TMC7: variants seen among roughly 807,000 people sequenced by gnomAD.
TMC7 encodes transmembrane channel like 7.
A neutral mutation model predicts 82.9 loss-of-function variants in TMC7; 54 were observed. The ratio of observed to expected loss-of-function variants is 0.65; its 90% CI spans 0.52 to 0.82. The LOEUF (loss-of-function observed/expected upper bound fraction) is 0.82. TMC7 is among the 40% of genes least tolerant of loss of function. TMC7 has a pLI of 0.00. For synonymous variants in TMC7, 350 were observed against 337.9 expected, an observed-to-expected ratio of 1.04 and a Z score of -0.39; for missense variants, 820 against 901.2, an observed-to-expected ratio of 0.91 and a Z score of 1.15.
chr16:18,985,351 GA>G lies in TMC7; in HGVS notation c.67+1231del, dbSNP rs542610714. Among the ~76,000 whole-genome samples, 13 of 149,652 alleles carry G rather than the reference GA, an allele frequency of 8.7e-5. No homozygotes were observed. In the East Asian group the frequency reaches 1.9e-3, roughly 22 times the overall value. ...ATTGGATTGTTCCCAATGTCCAGAA[GA>G]AAAAAAAAATTTAGAAGAGACCCAA... On this transcript the variant is annotated intron_variant, in intron 1 of 15. Coordinates refer to ENST00000304381, the MANE Select transcript of TMC7 (RefSeq NM_024847.4).
chr16:18,988,775 C>A (rs1471488972), intron 1 of TMC7, among the ~76,000 whole-genome samples: 1 of 152,136 alleles, frequency 6.6e-6, no homozygotes, highest in Non-Finnish European at 1.5e-5. Flanking sequence ...GTTGGCCGGG[C>A]ACAGTGCCTC....
intron 1 of TMC7, among the ~76,000 whole-genome samples, chr16:18,998,550 C>T (rs562745379): frequency 2.6e-5 from 4 of 152,014 alleles, no homozygotes; most frequent in South Asian, 2.1e-4. Flanking sequence ...GTCAGGAGAT[C>T]GAGACCATCC....
intron 1 of TMC7, 23 bp from the exon 2 acceptor site, chr16:19,009,149 T>C (rs201650100): frequency 6.2e-7 from 1 of 1,606,692 alleles, no homozygotes; most frequent in Non-Finnish European, 8.5e-7. Context: ...GAGTGAATGA[T>C]GACTTTCTTT....
At chr16:18,987,095 G>A (rs551497691) in intron 1 of TMC7, among the ~76,000 whole-genome samples, 7 of 151,846 alleles carry the variant, frequency 4.6e-5, no homozygotes, top group South Asian at 2.1e-4. Context: ...GTGAGCCACC[G>A]TACCCGGCCA....
chr16:19,049,481 G>T (rs926559075), intron 12 of TMC7: 1 of 267,752 alleles, frequency 3.7e-6, no homozygotes, highest in Non-Finnish European at 5.8e-6. Flanking sequence ...TGGGCCAACC[G>T]TTCTACCTGG....
In TMC7 at chr16:19,009,220, T is replaced by A. The variant is rs374435638; in HGVS notation, c.116T>A (p.Phe39Tyr). Reference sequence around the variant, plus strand: ...TGCTTCTCTTCTCCACCTGTGAACTTCCTCCAAGAATTGCCAAGCTACCGG... The same window carrying A: ...TGCTTCTCTTCTCCACCTGTGAACTACCTCCAAGAATTGCCAAGCTACCGG... ...SSCFSSPPVN[F>Y]LQELPSYRSI... The change falls in exon 2 of 16, where the codon TTC becomes TAC. Residue 39 changes from phenylalanine to tyrosine, a missense_variant. By Grantham distance (22) the Phe-to-Tyr change is conservative. Coordinates refer to ENST00000304381, the MANE Select transcript of TMC7 (RefSeq NM_024847.4). The A allele has an allele frequency of 5.0e-6, 8 of 1,613,976 alleles. No individual in the cohort carries two copies. In the African/African-American group the frequency reaches 1.1e-4, roughly 22 times the overall value.
chr16:19,053,023 CT>C (rs1452231282), intron 13 of TMC7, among the ~76,000 whole-genome samples: 1 of 152,052 alleles, frequency 6.6e-6, no homozygotes, highest in Non-Finnish European at 1.5e-5. Flanking sequence ...AGATTTTATT[CT>C]TTTTTAACAC....
At chr16:18,988,328 TA>T (rs1369057232) in intron 1 of TMC7, among the ~76,000 whole-genome samples, 3 of 151,924 alleles carry the variant, frequency 2.0e-5, no homozygotes, top group African/African-American at 7.3e-5. Flanking sequence ...CTAATTTTTG[TA>T]TTTTTGGTAG....
In TMC7 at chr16:19,001,745, C is replaced by CT. The variant is rs550268900; in HGVS notation, c.68-7425dup. Reference sequence around the variant, plus strand: ...GTGAGTGAGTGCGGTGGAGTGGGTACTTAGGAGCTATGTGGTGTTTGAAGG... The same window carrying CT: ...GTGAGTGAGTGCGGTGGAGTGGGTACTTTAGGAGCTATGTGGTGTTTGAAGG... On this transcript the variant is annotated intron_variant, in intron 1 of 15. Coordinates refer to ENST00000304381, the MANE Select transcript of TMC7 (RefSeq NM_024847.4). 2.0e-5 allele frequency among the ~76,000 whole-genome samples: 3 copies of CT among 152,192 alleles called. No homozygotes were observed. In the South Asian group the frequency reaches 6.2e-4, roughly 32 times the overall value.
Position 18,984,016 on chromosome 16 carries a change from C to T in TMC7, c.-48C>T, listed in dbSNP as rs1254356564. On this transcript the variant is annotated 5_prime_UTR_variant, in exon 1 of 16. Coordinates refer to ENST00000304381, the MANE Select transcript of TMC7 (RefSeq NM_024847.4). ...GCCGGGGAGGCGGCGGCGGCGGCGG[C>T]GGCTGGAGAGGGTCCTCGGCAGCCT... 1.4e-6 allele frequency: 2 copies of T among 1,379,656 alleles called. No individual in the cohort carries two copies. Among genetic ancestry groups the T allele is most frequent in the Non-Finnish European group, 1.9e-6 (2 of 1,073,302 alleles). 85.5% of individuals were successfully genotyped at this position (1,379,656 alleles called of 1,614,324 possible). A position where few individuals can be genotyped will look rare whatever the true frequency, so the allele number is the denominator to read the frequency against.
At chr16:19,033,510 C>T (rs1437515227) in intron 6 of TMC7, 1 of 152,138 alleles carries the variant, frequency 6.6e-6, no homozygotes, top group Non-Finnish European at 1.5e-5. Context: ...TGGCAAAACC[C>T]TATTTCTACA....
chr16:19,052,744 ACT>A (rs1961595158), intron 13 of TMC7, among the ~76,000 whole-genome samples: 2 of 152,176 alleles, frequency 1.3e-5, no homozygotes, highest in African/African-American at 4.8e-5. Flanking sequence ...ACACGGTCTC[ACT>A]CTGTTGCTCA....
intron 2 of TMC7, among the ~76,000 whole-genome samples, chr16:19,011,666 T>C (rs1959356335): frequency 2.0e-5 from 3 of 152,136 alleles, no homozygotes; most frequent in African/African-American, 7.2e-5. Context: ...TGCAGTGAGC[T>C]ATGATTCTGC....
At chr16:19,057,925 A>G (rs1961841901) in intron 14 of TMC7, among the ~76,000 whole-genome samples, 1 of 150,232 alleles carries the variant, frequency 6.7e-6, no homozygotes, top group South Asian at 2.1e-4. Context: ...AGAGCTGCAC[A>G]GAAGACAGAA....
chr16:18,993,960 G>A (rs977383035), intron 1 of TMC7, among the ~76,000 whole-genome samples: 2 of 152,100 alleles, frequency 1.3e-5, no homozygotes, highest in African/African-American at 4.8e-5. Flanking sequence ...TGGTGGAGCT[G>A]CCATCAATAA....
In TMC7 at chr16:18,983,957, G is replaced by A; in HGVS notation, c.-107G>A. On this transcript the variant is annotated 5_prime_UTR_variant, in exon 1 of 16. Transcript: ENST00000304381. Reference sequence around the variant, plus strand: ...CCACTCCGGCTTCTGTGATGTCAGCGCCGGAACCTGGAATCCCGGCTCCGC... The same window carrying A: ...CCACTCCGGCTTCTGTGATGTCAGCACCGGAACCTGGAATCCCGGCTCCGC... 2.4e-6 allele frequency: 3 copies of A among 1,225,750 alleles called. No individual in the cohort carries two copies. Among genetic ancestry groups the A allele is most frequent in the South Asian group, 2.1e-5 (1 of 48,594 alleles). 75.9% of individuals were successfully genotyped at this position (1,225,750 alleles called of 1,614,324 possible). A position where few individuals can be genotyped will look rare whatever the true frequency, so the allele number is the denominator to read the frequency against.
chr16:19,019,642 A>T (rs1360677192), intron 3 of TMC7, among the ~76,000 whole-genome samples: 1 of 152,194 alleles, frequency 6.6e-6, no homozygotes, highest in Non-Finnish European at 1.5e-5. Context: ...GTTTGAACCC[A>T]GGCATTCAAG....
At chr16:19,009,004 A>G (rs887093479) in intron 1 of TMC7, among the ~76,000 whole-genome samples, 168 bp from the exon 2 acceptor site, 1 of 152,158 alleles carries the variant, frequency 6.6e-6, no homozygotes, top group African/African-American at 2.4e-5. Context: ...AGATGATTTC[A>G]TTGTCCTGAG....
At chr16:18,984,443 T>G in intron 1 of TMC7, 3 of 1,176,652 alleles carry the variant, frequency 2.5e-6, no homozygotes, top group Non-Finnish European at 3.1e-6. Context: ...TGCTGTTAAA[T>G]GAAAGGATTT....
Sources: gnomAD v4.1 joint callset for allele counts (sites outside exome capture counted in the v4.1 genomes callset) on GRCh38, gnomAD v4.1.1 for gene constraint, MANE v1.5 for transcripts, NCBI Gene and HGNC (gene_info 2026-07-23, HGNC 2026-07-21) for gene names.